Variants in NFATC1 observed in about 807,000 individuals in gnomAD.
The protein encoded by NFATC1 is nuclear factor of activated T-cells, cytoplasmic 1.
A neutral mutation model predicts 76.0 loss-of-function variants in NFATC1; 22 were observed. The ratio of observed to expected loss-of-function variants is 0.29; its 90% CI spans 0.21 to 0.41. The LOEUF (loss-of-function observed/expected upper bound fraction) is 0.41, where lower values mean the gene tolerates loss of function less well. NFATC1 is among the 10% of genes least tolerant of loss of function. NFATC1 has a pLI of 1.00. For missense variants in NFATC1, 1,357 were observed against 1,337.7 expected (o/e 1.01, Z -0.23); for synonymous variants, 704 against 613.1 (o/e 1.15, Z -2.19).
At chr18:79,439,114 G>A (rs572818816) in intron 3 of NFATC1, among the ~76,000 whole-genome samples, 3 of 152,268 alleles carry the variant, frequency 2.0e-5, no homozygotes, top group East Asian at 3.9e-4. Context: ...CGTGAATACC[G>A]TGGACAGATT....
chr18:79,521,080 G>GT (rs1296117441), intron 9 of NFATC1, among the ~76,000 whole-genome samples: 1 of 106,452 alleles, frequency 9.4e-6, no homozygotes, highest in Admixed American at 1.0e-4. Flanking sequence ...TGTGTGTGGG[G>GT]GCATCCGCTG....
intron 3 of NFATC1, among the ~76,000 whole-genome samples, chr18:79,441,610 G>T (rs3786187): frequency 6.6e-6 from 1 of 151,912 alleles, no homozygotes; most frequent in Non-Finnish European, 1.5e-5. Flanking sequence ...GGGGTAGACT[G>T]GGGAGAAGTG....
chr18:79,520,127 C>A (rs1480610024), intron 9 of NFATC1, among the ~76,000 whole-genome samples: 2 of 152,182 alleles, frequency 1.3e-5, no homozygotes, highest in Non-Finnish European at 2.9e-5. Context: ...GAATGAGGGT[C>A]TGCAGGGGGA....
At position 79,469,822 on chromosome 18, in the gene NFATC1, GC is replaced by G. The variant is rs1046805595; in HGVS notation, c.2092+2245del. 8.2e-4 allele frequency: 807 copies of G among 985,196 alleles called. 2 individuals are homozygous for G. Among genetic ancestry groups the G allele is most frequent in the Non-Finnish European group, 9.5e-4 (792 of 830,068 alleles). The allele number at this position is 985,196 out of a possible 1,614,324, so 61.0% of individuals were successfully genotyped here. A position where few individuals can be genotyped will look rare whatever the true frequency, so the allele number is the denominator to read the frequency against. ...ACAAGCACACTGACCAGCCCCACCA[GC>G]CCCCAGGGGCTCCCCGGCTCCCTGT... On this transcript the variant is annotated intron_variant, in intron 8 of 9. Coordinates refer to ENST00000427363, the MANE Select transcript of NFATC1 (RefSeq NM_001278669.2).
At chr18:79,454,870 C>G (rs1468230337) in intron 6 of NFATC1, among the ~76,000 whole-genome samples, 1 of 152,086 alleles carries the variant, frequency 6.6e-6, no homozygotes, top group African/African-American at 2.4e-5. Flanking sequence ...CCTCTCCCAC[C>G]CACACCCCTC....
chr18:79,472,431 C>G (rs2088825622), intron 8 of NFATC1, among the ~76,000 whole-genome samples: 2 of 152,344 alleles, frequency 1.3e-5, no homozygotes, highest in South Asian at 2.1e-4. Flanking sequence ...GCCCGGCAGC[C>G]TCTCCTTCCC....
chr18:79,432,857 C>A (rs952123536), intron 2 of NFATC1, among the ~76,000 whole-genome samples: 5 of 114,382 alleles, frequency 4.4e-5, no homozygotes, highest in Admixed American at 3.4e-4. Flanking sequence ...ACATTCATCT[C>A]CTGAAAAGAC....
chr18:79,491,203 C>T (rs1368946675), intron 9 of NFATC1, among the ~76,000 whole-genome samples: 1 of 152,116 alleles, frequency 6.6e-6, no homozygotes. Context: ...TCAGCAGCCA[C>T]CCTGGGGCTC....
At chr18:79,402,506 TC>T in intron 1 of NFATC1, 1 of 618,086 alleles carries the variant, frequency 1.6e-6, no homozygotes, top group Non-Finnish European at 2.0e-6. Context: ...GCTGCGCCCT[TC>T]CCCGGGAGCC....
intron 2 of NFATC1, chr18:79,422,759 C>G (rs1468431221): frequency 1.3e-5 from 2 of 152,254 alleles, no homozygotes; most frequent in African/African-American, 4.8e-5. Flanking sequence ...CACCCTTGAG[C>G]TGCAAGGAAT....
At chr18:79,518,420 C>T (rs1019371231) in intron 9 of NFATC1, among the ~76,000 whole-genome samples, 4 of 152,166 alleles carry the variant, frequency 2.6e-5, no homozygotes, top group South Asian at 2.1e-4. Flanking sequence ...ATGGAGCCCC[C>T]GGGCCCAGCA....
intron 9 of NFATC1, among the ~76,000 whole-genome samples, chr18:79,492,780 A>G (rs1459801262): frequency 1.3e-5 from 2 of 150,644 alleles, no homozygotes; most frequent in East Asian, 3.9e-4. Flanking sequence ...AGGCTGAGGC[A>G]GGAGAATCAC....
At chr18:79,431,218 A>G (rs115330412) in intron 2 of NFATC1, among the ~76,000 whole-genome samples, 166 of 152,316 alleles carry the variant, frequency 1.1e-3, no homozygotes, top group African/African-American at 3.9e-3. Context: ...GAAGCTTCCA[A>G]TGTCACAAAA....
intron 8 of NFATC1, among the ~76,000 whole-genome samples, chr18:79,484,443 A>G (rs1307110375): frequency 6.6e-6 from 1 of 151,476 alleles, no homozygotes; most frequent in Non-Finnish European, 1.5e-5. Context: ...CCCCTCTAAA[A>G]CCTTAGCCTC....
intron 7 of NFATC1, among the ~76,000 whole-genome samples, 188 bp from the exon 8 acceptor site, chr18:79,467,261 CT>C (rs67058288): frequency 0.067 from 10,047 of 150,996 alleles, 1,234 homozygotes; most frequent in African/African-American, 0.23. Context: ...CAGGTGGCTG[CT>C]TGGGAGTTTA....
chr18:79,398,491 C>G (rs1290743597), intron 1 of NFATC1, among the ~76,000 whole-genome samples: 1 of 152,232 alleles, frequency 6.6e-6, no homozygotes, highest in Non-Finnish European at 1.5e-5. Flanking sequence ...TGAATCTGGA[C>G]CAATAGCTCT....
rs1005500007 is a variant in NFATC1 at position 79,469,608 on chromosome 18, T to C, written c.2092+2026T>C. 8 of 985,828 alleles carry C rather than the reference T, an allele frequency of 8.1e-6. No individual in the cohort carries two copies. The African/African-American group carries it at 1.2e-4, about 15-fold the overall frequency. 61.1% of individuals were successfully genotyped at this position (985,828 alleles called of 1,614,324 possible). A position where few individuals can be genotyped will look rare whatever the true frequency, so the allele number is the denominator to read the frequency against. ...TTGTGCCCAGCGTGGACATCTCTCC[T>C]GCACCCCCTGCCCAGTGTCTCGGCT... On this transcript the variant is annotated intron_variant, in intron 8 of 9. Coordinates refer to ENST00000427363, the MANE Select transcript of NFATC1 (RefSeq NM_001278669.2).
intron 1 of NFATC1, among the ~76,000 whole-genome samples, chr18:79,401,280 G>A (rs1235083010): frequency 6.6e-6 from 1 of 151,986 alleles, no homozygotes; most frequent in African/African-American, 2.4e-5. Flanking sequence ...AGGTGAAGCC[G>A]GAGGAGCTTG....
At chr18:79,452,682 T>G (rs891907683) in intron 6 of NFATC1, among the ~76,000 whole-genome samples, 1 of 152,164 alleles carries the variant, frequency 6.6e-6, no homozygotes, top group African/African-American at 2.4e-5. Context: ...ACAGGGACCC[T>G]AGCCCAGCCC....
Sources: allele counts gnomAD v4.1 joint callset (sites outside exome capture counted in the v4.1 genomes callset), GRCh38; gene constraint gnomAD v4.1.1; transcripts MANE v1.5; gene names NCBI Gene and HGNC (gene_info 2026-07-23, HGNC 2026-07-21).